ITGA11: variants seen among roughly 807,000 people sequenced by gnomAD.
ITGA11 encodes the protein integrin subunit alpha 11.
ITGA11 carries 97 observed loss-of-function variants against 141.9 expected under a neutral mutation model. That is an observed-to-expected ratio of 0.68 (90% CI 0.58 to 0.81). The LOEUF (loss-of-function observed/expected upper bound fraction) is 0.81. ITGA11 is among the 30% of genes least tolerant of loss of function. The pLI is 0.00. For synonymous variants in ITGA11, 658 were observed against 624.6 expected (o/e 1.05, Z -0.80); for missense variants, 1,387 against 1,559.2 (o/e 0.89, Z 1.86).
intron 21 of ITGA11, 95 bp from the exon 22 acceptor site, chr15:68,315,822 G>T: frequency 9.7e-7 from 1 of 1,032,850 alleles, no homozygotes; most frequent in Non-Finnish European, 1.4e-6. Context: ...GGCTTGGGGA[G>T]AGGGAGCTTG....
rs115193104 is a variant in ITGA11 at position 68,358,060 on chromosome 15, G to A, written c.600+398C>T. Among the ~76,000 whole-genome samples the A allele has an allele frequency of 5.1e-3, 778 of 152,292 alleles. 7 individuals carry two copies. Among genetic ancestry groups the A allele is most frequent in the African/African-American group, 0.018 (745 of 41,564 alleles). ...TCTACCTCCGCGTTAGCCAGGCAGC[G>A]TTTCAGATATATGAGCCTAGCAGCC... On this transcript the variant is annotated intron_variant, in intron 6 of 29. Coordinates refer to ENST00000315757, the MANE Select transcript of ITGA11 (RefSeq NM_001004439.2).
chr15:68,426,869 G>T (rs1897155066), intron 1 of ITGA11, among the ~76,000 whole-genome samples: 1 of 151,980 alleles, frequency 6.6e-6, no homozygotes, highest in Admixed American at 6.6e-5. Flanking sequence ...ACAAAAATTA[G>T]CTGGGTATGG....
In ITGA11 at chr15:68,307,735, C is replaced by A; in HGVS notation, c.3175-39G>T. 1 of 1,456,830 alleles carries A rather than the reference C, an allele frequency of 6.9e-7. No individual in the cohort carries two copies. Among genetic ancestry groups the A allele is most frequent in the Non-Finnish European group, 9.6e-7 (1 of 1,041,844 alleles). 90.2% of individuals were successfully genotyped at this position (1,456,830 alleles called of 1,614,324 possible). A position where few individuals can be genotyped will look rare whatever the true frequency, so the allele number is the denominator to read the frequency against. ...TGGGTCTCAGGGCTGAGCTGCTGGGCTAGGGGAGCAGGGGGCAGCAACACT... is the reference window on the plus strand; with the variant it reads ...TGGGTCTCAGGGCTGAGCTGCTGGGATAGGGGAGCAGGGGGCAGCAACACT... On this transcript the variant is annotated intron_variant, in intron 26 of 29. Coordinates refer to ENST00000315757, the MANE Select transcript of ITGA11 (RefSeq NM_001004439.2). This position sits in a 1 kb window ranked among gnomAD's most constrained non-coding sequence, Gnocchi z 6.1.
chr15:68,381,111 A>G (rs1054066559), intron 2 of ITGA11, among the ~76,000 whole-genome samples: 22 of 152,218 alleles, frequency 1.4e-4, no homozygotes, highest in Non-Finnish European at 2.4e-4. Context: ...ACCTCTTAGA[A>G]AAAATTAAGT....
At chr15:68,384,741 T>C (rs1473029883) in intron 2 of ITGA11, among the ~76,000 whole-genome samples, 1 of 152,238 alleles carries the variant, frequency 6.6e-6, no homozygotes, top group Non-Finnish European at 1.5e-5. Flanking sequence ...TGCCGGATTT[T>C]ATTTGTTCCA....
chr15:68,402,913 C>G lies in ITGA11; in HGVS notation c.164+5G>C. The G allele has an allele frequency of 6.2e-7, 1 of 1,607,030 alleles. No individual in the cohort carries two copies. Among genetic ancestry groups the G allele is most frequent in the Non-Finnish European group, 8.5e-7 (1 of 1,174,410 alleles). On this transcript the variant is annotated splice_donor_5th_base_variant and intron_variant, in intron 2 of 29. Transcript: ENST00000315757. Reference sequence around the variant, plus strand: ...GGCTGGGTGTGGGCGGCCGCTCTCACTCACCACTTATTGCCACTGATGTCG... The same window carrying G: ...GGCTGGGTGTGGGCGGCCGCTCTCAGTCACCACTTATTGCCACTGATGTCG...
intron 2 of ITGA11, among the ~76,000 whole-genome samples, chr15:68,370,725 T>A (rs889098324): frequency 6.6e-6 from 1 of 152,134 alleles, no homozygotes; most frequent in African/African-American, 2.4e-5. Context: ...CAGATGATGG[T>A]GGGATCTGGG....
In ITGA11 at chr15:68,333,280, T is replaced by C. The variant is rs1359420997; in HGVS notation, c.1426-802A>G. Among the ~76,000 whole-genome samples, 2 of 152,104 alleles carry C rather than the reference T, an allele frequency of 1.3e-5. No individual in the cohort carries two copies. Among genetic ancestry groups the C allele is most frequent in the Non-Finnish European group, 2.9e-5 (2 of 68,002 alleles). ...GCTCCTGGCTGTTTTAAAAAATTAT[T>C]TGTAGAGATGGGGTCTCACTATGTT... On this transcript the variant is annotated intron_variant, in intron 12 of 29. Transcript: ENST00000315757. This position sits in a 1 kb window ranked among gnomAD's most constrained non-coding sequence, Gnocchi z 4.2.
chr15:68,420,631 A>G (rs1896996462), intron 1 of ITGA11, among the ~76,000 whole-genome samples: 1 of 142,870 alleles, frequency 7.0e-6, no homozygotes, highest in Admixed American at 6.6e-5. Context: ...GGAGTGATTG[A>G]TTAGTAAATG....
At chr15:68,311,969 C>A (rs192537551) in intron 24 of ITGA11, among the ~76,000 whole-genome samples, 2 of 152,172 alleles carry the variant, frequency 1.3e-5, no homozygotes, top group Admixed American at 6.5e-5. Flanking sequence ...TGACCCTGGG[C>A]AGCTTACTAG....
intron 2 of ITGA11, among the ~76,000 whole-genome samples, chr15:68,377,535 G>A (rs975290608): frequency 6.6e-6 from 1 of 152,102 alleles, no homozygotes; most frequent in Non-Finnish European, 1.5e-5. Flanking sequence ...GCCTCCCAAG[G>A]TGCTGGGATT....
At chr15:68,378,334 G>A (rs74493012) in intron 2 of ITGA11, among the ~76,000 whole-genome samples, 1,877 of 152,196 alleles carry the variant, frequency 0.012, 54 homozygotes, top group East Asian at 0.096. Flanking sequence ...ACTGATAGAC[G>A]TTCAGGTGCT....
In ITGA11 at chr15:68,348,766, A is replaced by C; in HGVS notation, c.1131+64T>G. 5 of 1,398,832 alleles carry C rather than the reference A, an allele frequency of 3.6e-6. No homozygotes were observed. In the East Asian group the frequency reaches 1.2e-4, roughly 34 times the overall value. The allele number at this position is 1,398,832 out of a possible 1,614,324, so 86.7% of individuals were successfully genotyped here. ...TGGATGACAGATCCAGAGAGCTAGA[A>C]AGGGGAAGAGCATGCCCTCGAGAGA... is the stretch of plus-strand genomic sequence containing the variant. On this transcript the variant is annotated intron_variant, in intron 10 of 29. Coordinates refer to ENST00000315757, the MANE Select transcript of ITGA11 (RefSeq NM_001004439.2).
intron 13 of ITGA11, 136 bp from the exon 14 acceptor site, chr15:68,332,198 A>C (rs891558699): frequency 3.0e-5 from 38 of 1,260,590 alleles, no homozygotes; most frequent in Middle Eastern, 1.9e-4. Context: ...ATATGAACCC[A>C]GCCACAGAGG....
At chr15:68,427,975 C>T (rs972737213) in intron 1 of ITGA11, among the ~76,000 whole-genome samples, 1 of 152,046 alleles carries the variant, frequency 6.6e-6, no homozygotes, top group Non-Finnish European at 1.5e-5. Flanking sequence ...ATTTTTGAAC[C>T]ATATTAGAGG....
At chr15:68,418,233 T>G (rs1896933525) in intron 1 of ITGA11, among the ~76,000 whole-genome samples, 1 of 152,192 alleles carries the variant, frequency 6.6e-6, no homozygotes, top group African/African-American at 2.4e-5. Context: ...TAGCTCACAA[T>G]AGGTGATCTA....
intron 2 of ITGA11, among the ~76,000 whole-genome samples, chr15:68,397,763 TATTA>T (rs1479656849): frequency 4.3e-5 from 5 of 116,528 alleles, no homozygotes; most frequent in African/African-American, 1.5e-4. Flanking sequence ...ATATTTAAAA[TATTA>T]TATTTAAAAT....
intron 28 of ITGA11, among the ~76,000 whole-genome samples, chr15:68,306,363 T>C (rs934285437): frequency 6.6e-6 from 1 of 151,634 alleles, no homozygotes; most frequent in East Asian, 1.9e-4. Context: ...GGAGCGGGGG[T>C]GCCTGTACCA....
At chr15:68,429,942 C>T (rs553021243) in intron 1 of ITGA11, among the ~76,000 whole-genome samples, 1 of 152,272 alleles carries the variant, frequency 6.6e-6, no homozygotes, top group African/African-American at 2.4e-5. Flanking sequence ...TTTGAACACC[C>T]AGCCCTTGGT....
Sources: gnomAD v4.1 joint callset for allele counts (sites outside exome capture counted in the v4.1 genomes callset) on GRCh38, gnomAD v4.1.1 for gene constraint, Gnocchi (gnomAD v3.1) non-coding constraint, MANE v1.5 for transcripts, NCBI Gene and HGNC (gene_info 2026-07-23, HGNC 2026-07-21) for gene names.